The following PSMG4 variants were observed in gnomAD, a reference collection of about 807,000 sequenced individuals.
PSMG4 encodes the protein proteasome (prosome, macropain) assembly chaperone 4.
Under a neutral mutation model 11.0 loss-of-function variants are expected in PSMG4, and 10 were observed. The ratio of observed to expected loss-of-function variants is 0.91; its 90% CI spans 0.56 to 1.54. PSMG4 has a LOEUF of 1.54. Ranked by LOEUF, PSMG4 falls within the 40% of genes most tolerant of loss-of-function variation. PSMG4 has a pLI of 0.00. For missense variants in PSMG4, 198 were observed against 160.9 expected (o/e 1.23, Z -1.25); for synonymous variants, 95 against 71.3 (o/e 1.33, Z -1.68).
upstream of PSMG4, among the ~76,000 whole-genome samples, chr6:3,257,238 C>G (rs189890551): frequency 2.6e-5 from 4 of 152,278 alleles, no homozygotes; most frequent in Admixed American, 2.6e-4. Context: ...AGAGAGGACG[C>G]TGTCTAGGGA....
At chr6:3,254,452 T>TC (rs917576665), upstream of PSMG4, among the ~76,000 whole-genome samples, 12 of 16,738 alleles carry the variant, frequency 7.2e-4, no homozygotes, top group African/African-American at 9.2e-4. Context: ...AGTTTTCTGC[T>TC]TTTTTTGTGT....
At chr6:3,262,111 C>T (rs1758013153) in intron 1 of PSMG4, among the ~76,000 whole-genome samples, 1 of 152,106 alleles carries the variant, frequency 6.6e-6, no homozygotes, top group South Asian at 2.1e-4. Context: ...TGAGTCCTAC[C>T]AGCTTGAGGG....
At chr6:3,254,799 G>A (rs915257325), upstream of PSMG4, among the ~76,000 whole-genome samples, 7 of 149,260 alleles carry the variant, frequency 4.7e-5, no homozygotes, top group African/African-American at 1.8e-4. Flanking sequence ...CTTGGGGTCA[G>A]AGCAACAAGA....
upstream of PSMG4, chr6:3,255,359 T>C: frequency 6.9e-7 from 1 of 1,439,580 alleles, no homozygotes; most frequent in Non-Finnish European, 9.2e-7. Flanking sequence ...TTGCTTAATT[T>C]TTCCTGTGGT....
intron 1 of PSMG4, among the ~76,000 whole-genome samples, chr6:3,259,401 C>G (rs887206636): frequency 6.6e-6 from 1 of 152,250 alleles, no homozygotes; most frequent in Non-Finnish European, 1.5e-5. Flanking sequence ...GGGCCCCTCT[C>G]CTTGTCCCGC....
At chr6:3,267,110 C>T (rs1758216096) in intron 2 of PSMG4, 1 of 152,554 alleles carries the variant, frequency 6.6e-6, no homozygotes. Flanking sequence ...CCGTCTCGGC[C>T]TCCCAAAGTG....
upstream of PSMG4, among the ~76,000 whole-genome samples, chr6:3,254,659 C>T (rs188209151): frequency 2.3e-3 from 353 of 152,192 alleles, no homozygotes; most frequent in Non-Finnish European, 3.3e-3. Context: ...CAGCTTTGTT[C>T]CTTCAAGCTG....
chr6:3,260,275 T>TTTTATATATA (rs1261021278), intron 1 of PSMG4, among the ~76,000 whole-genome samples: 17 of 69,082 alleles, frequency 2.5e-4, no homozygotes, highest in African/African-American at 9.9e-4. Flanking sequence ...TTGTCTTAAA[T>TTTTATATATA]TGTATATATA....
At chr6:3,255,837 T>A (rs985038106), upstream of PSMG4, among the ~76,000 whole-genome samples, 1 of 151,424 alleles carries the variant, frequency 6.6e-6, no homozygotes, top group Admixed American at 6.6e-5. Flanking sequence ...AAACTGTAAA[T>A]GAATGTCGTC....
upstream of PSMG4, among the ~76,000 whole-genome samples, chr6:3,255,925 C>G (rs190657652): frequency 2.4e-3 from 372 of 152,312 alleles, 3 homozygotes; most frequent in African/African-American, 8.5e-3. Flanking sequence ...CATCCTTGGT[C>G]ACGTACCATG....
chr6:3,256,070 A>G (rs755788109), upstream of PSMG4, among the ~76,000 whole-genome samples: 2 of 152,204 alleles, frequency 1.3e-5, no homozygotes, highest in Non-Finnish European at 2.9e-5. Flanking sequence ...AAATAGCAAT[A>G]TGAAGTCTAC....
At chr6:3,255,764 T>A (rs1313877758), upstream of PSMG4, among the ~76,000 whole-genome samples, 1 of 152,256 alleles carries the variant, frequency 6.6e-6, no homozygotes, top group Admixed American at 6.5e-5. Flanking sequence ...CAATGTGATA[T>A]TCTGTGGAAT....
upstream of PSMG4, among the ~76,000 whole-genome samples, chr6:3,258,194 G>T (rs1757830930): frequency 6.6e-6 from 1 of 151,758 alleles, no homozygotes; most frequent in African/African-American, 2.4e-5. Flanking sequence ...GATGATTGTT[G>T]GTGCTTCCCA....
At position 3,267,394 on chromosome 6, in the gene PSMG4, GGA is replaced by G; in HGVS notation, c.251-192_251-191del. On this transcript the variant is annotated intron_variant, in intron 2 of 2. Transcript: ENST00000438998. ...TGCCCTTCAGAACCCTGGGTCTGGT[GGA>G]GAGACTGGGAGAGGCCTGAGTGACT... is the stretch of plus-strand genomic sequence containing the variant. 6.7e-6 allele frequency: 3 copies of G among 447,014 alleles called. No homozygotes were observed. The South Asian group carries it at 8.8e-5, about 13-fold the overall frequency. 27.7% of individuals were successfully genotyped at this position (447,014 alleles called of 1,614,324 possible).
upstream of PSMG4, chr6:3,254,973 T>C: frequency 2.1e-6 from 3 of 1,408,988 alleles, no homozygotes; most frequent in Non-Finnish European, 2.8e-6. Flanking sequence ...GCATGTGATG[T>C]GGCTGTGGAT....
chr6:3,254,941 G>A (rs921750959), upstream of PSMG4: 6 of 1,238,240 alleles, frequency 4.8e-6, no homozygotes, highest in African/African-American at 7.6e-5. Context: ...CTCACTGGGT[G>A]TCAGCTGTTG....
At chr6:3,261,769 C>T in intron 1 of PSMG4, among the ~76,000 whole-genome samples, 1 of 152,228 alleles carries the variant, frequency 6.6e-6, no homozygotes, top group Non-Finnish European at 1.5e-5. Context: ...CATCTACTGT[C>T]CACCTGTGAC....
At chr6:3,254,455 T>TC (rs1359544921), upstream of PSMG4, among the ~76,000 whole-genome samples, 2 of 151,168 alleles carry the variant, frequency 1.3e-5, 1 homozygote, top group Non-Finnish European at 3.0e-5. Flanking sequence ...TTTCTGCTTT[T>TC]TTTGTGTGTC....
chr6:3,254,728 C>CA (rs1003352347), upstream of PSMG4, among the ~76,000 whole-genome samples: 1 of 152,090 alleles, frequency 6.6e-6, no homozygotes, highest in Non-Finnish European at 1.5e-5. Flanking sequence ...CCAGAAAAAA[C>CA]AAACTCCCCC....
Sources: gnomAD v4.1 joint callset for allele counts (sites outside exome capture counted in the v4.1 genomes callset) on GRCh38, gnomAD v4.1.1 for gene constraint, MANE v1.5 for transcripts, NCBI Gene and HGNC (gene_info 2026-07-23, HGNC 2026-07-21) for gene names.